Variants in MICU3 observed in about 807,000 individuals in gnomAD.
MICU3 encodes the protein calcium uptake protein 3, mitochondrial.
In MICU3, 62 loss-of-function variants were observed where a neutral mutation model predicts 66.5. The observed-to-expected ratio is 0.93, with a 90% CI of 0.76 to 1.15. MICU3 has a LOEUF of 1.15. Among genes scored for constraint, MICU3 ranks in the 50% most tolerant of loss-of-function variants. The pLI, the probability that MICU3 is intolerant of heterozygous loss-of-function variation, is 0.00. For missense variants in MICU3, 779 were observed against 664.4 expected (o/e 1.17, Z -1.90); for synonymous variants, 308 against 240.7 (o/e 1.28, Z -2.59).
chr8:17,119,887 A>C (rs1233611495), intron 14 of MICU3, among the ~76,000 whole-genome samples: 1 of 152,170 alleles, frequency 6.6e-6, no homozygotes, highest in African/African-American at 2.4e-5. Context: ...CTGAGTTAAC[A>C]AAAGAAGTCA....
chr8:17,032,171 A>G (rs965093451), intron 1 of MICU3, among the ~76,000 whole-genome samples: 1 of 152,238 alleles, frequency 6.6e-6, no homozygotes, highest in Non-Finnish European at 1.5e-5. Context: ...GTAAAGGTCA[A>G]AATTCCAGGC....
rs149190711 is a variant in MICU3, at chr8:17,122,572, A to C, written c.*2285A>C. ...GTTCCAACTTACTGTTCTTATTATA[A>C]ATTGCAAAGCAACCTGTCTTACATT... On this transcript the variant is annotated 3_prime_UTR_variant, in exon 15 of 15. Transcript: ENST00000318063. The C allele has an allele frequency of 1.4e-3, 212 of 152,118 alleles. No individual in the cohort carries two copies. The highest frequency in any genetic ancestry group is 4.7e-3 in the African/African-American group (197 of 41,582). 9.4% of individuals were successfully genotyped at this position (152,118 alleles called of 1,614,324 possible). A position where few individuals can be genotyped will look rare whatever the true frequency, so the allele number is the denominator to read the frequency against.
At chr8:17,030,725 C>A (rs1270032304) in intron 1 of MICU3, among the ~76,000 whole-genome samples, 1 of 152,160 alleles carries the variant, frequency 6.6e-6, no homozygotes, top group Non-Finnish European at 1.5e-5. Flanking sequence ...GTTATCTAAT[C>A]CTCTGCTTTT....
intron 12 of MICU3, among the ~76,000 whole-genome samples, chr8:17,114,891 G>A (rs1297994549): frequency 3.3e-5 from 5 of 151,914 alleles, no homozygotes; most frequent in East Asian, 1.9e-4. Flanking sequence ...AGGCTGAGGC[G>A]GGCGGATCAC....
intron 3 of MICU3, among the ~76,000 whole-genome samples, chr8:17,072,615 G>A (rs1196159285): frequency 1.3e-5 from 2 of 151,928 alleles, no homozygotes; most frequent in African/African-American, 4.8e-5. Context: ...ACAGAAGAGG[G>A]TAAGTGTCTT....
At chr8:17,099,317 T>C (rs548748919) in intron 9 of MICU3, among the ~76,000 whole-genome samples, 10 of 151,956 alleles carry the variant, frequency 6.6e-5, no homozygotes, top group African/African-American at 2.2e-4. Flanking sequence ...GATTTGTTTT[T>C]CATTATCTCT....
chr8:17,036,316 C>G (rs892603380), intron 1 of MICU3, among the ~76,000 whole-genome samples: 1 of 152,036 alleles, frequency 6.6e-6, no homozygotes, highest in Non-Finnish European at 1.5e-5. Flanking sequence ...ATAAAAGCAG[C>G]GTGGACCCAA....
chr8:17,044,075 C>A (rs978777470), intron 1 of MICU3, among the ~76,000 whole-genome samples: 1 of 152,164 alleles, frequency 6.6e-6, no homozygotes, highest in Non-Finnish European at 1.5e-5. Flanking sequence ...CTTTTGCTAG[C>A]AAATGATAGG....
At chr8:17,083,580 G>C (rs922986015) in intron 5 of MICU3, among the ~76,000 whole-genome samples, 6 of 152,052 alleles carry the variant, frequency 3.9e-5, no homozygotes, top group Non-Finnish European at 8.8e-5. Context: ...AGATGGAGTT[G>C]GTTAGTCAGA....
chr8:17,040,951 A>G (rs532277847), intron 1 of MICU3, among the ~76,000 whole-genome samples: 1 of 152,204 alleles, frequency 6.6e-6, no homozygotes, highest in African/African-American at 2.4e-5. Flanking sequence ...GGCCTTCAGG[A>G]GAAAAAACAG....
intron 2 of MICU3, among the ~76,000 whole-genome samples, chr8:17,066,892 T>G (rs376633567): frequency 1.3e-5 from 2 of 152,108 alleles, no homozygotes; most frequent in African/African-American, 4.8e-5. Context: ...TTTCTAGAAT[T>G]TTTTTCTTCA....
At chr8:17,085,429 C>T (rs1296372177) in intron 6 of MICU3, 111 bp downstream of exon 6, 15 of 586,676 alleles carry the variant, frequency 2.6e-5, no homozygotes, top group African/African-American at 3.7e-5. Flanking sequence ...GAAAAACTTA[C>T]GCTTTTGCCT....
At chr8:17,107,731 C>G (rs1452293003) in intron 11 of MICU3, among the ~76,000 whole-genome samples, 1 of 152,176 alleles carries the variant, frequency 6.6e-6, no homozygotes, top group African/African-American at 2.4e-5. Flanking sequence ...TATTGACTCT[C>G]TGGCCCTTTA....
intron 1 of MICU3, among the ~76,000 whole-genome samples, chr8:17,036,255 T>G (rs1344919611): frequency 6.6e-6 from 1 of 152,114 alleles, no homozygotes; most frequent in Admixed American, 6.6e-5. Context: ...CTCGTGGTCT[T>G]GCTGGGCTCA....
intron 1 of MICU3, among the ~76,000 whole-genome samples, chr8:17,044,491 A>G (rs1363078944): frequency 1.3e-5 from 2 of 151,986 alleles, no homozygotes; most frequent in Non-Finnish European, 2.9e-5. Flanking sequence ...TTTTTTTTGG[A>G]AAAACAAAGC....
At chr8:17,036,513 C>G (rs1056604851) in intron 1 of MICU3, among the ~76,000 whole-genome samples, 3 of 151,994 alleles carry the variant, frequency 2.0e-5, no homozygotes, top group Admixed American at 1.3e-4. Flanking sequence ...CTGATTGGTG[C>G]GTTTACAATC....
chr8:17,130,253 G>A, the MICU3 span, among the ~76,000 whole-genome samples: 2 of 152,126 alleles, frequency 1.3e-5, no homozygotes, highest in South Asian at 2.1e-4. Context: ...GACTAGGCGC[G>A]GTGGCTCACA....
At chr8:17,060,969 A>C (rs1256269335) in intron 1 of MICU3, among the ~76,000 whole-genome samples, 1 of 152,118 alleles carries the variant, frequency 6.6e-6, no homozygotes, top group Non-Finnish European at 1.5e-5. Flanking sequence ...GTGGAGTTTT[A>C]ATGAAAACCT....
At chr8:17,096,245 T>C (rs1800677264) in intron 8 of MICU3, among the ~76,000 whole-genome samples, 1 of 151,960 alleles carries the variant, frequency 6.6e-6, no homozygotes, top group Admixed American at 6.6e-5. Flanking sequence ...TCTGTCAGCC[T>C]TTCCTTACTT....
Sources: gnomAD v4.1 joint callset for allele counts (sites outside exome capture counted in the v4.1 genomes callset) on GRCh38, gnomAD v4.1.1 for gene constraint, MANE v1.5 for transcripts, NCBI Gene and HGNC (gene_info 2026-07-23, HGNC 2026-07-21) for gene names.